Variants in FER observed in about 807,000 individuals in gnomAD.
The protein encoded by FER is tyrosine-protein kinase Fer.
In FER, 63 loss-of-function variants were observed where a neutral mutation model predicts 111.0. The ratio of observed to expected loss-of-function variants is 0.57; its 90% CI spans 0.46 to 0.70. The LOEUF (loss-of-function observed/expected upper bound fraction) is 0.70, where lower values mean the gene tolerates loss of function less well. FER is among the 30% of genes least tolerant of loss of function. FER has a pLI of 0.00. For missense variants in FER, 914 were observed against 954.0 expected (o/e 0.96, Z 0.55); for synonymous variants, 327 against 313.9 (o/e 1.04, Z -0.44).
chr5:108,794,524 G>GCCCCCCCCCCCCCCC (rs1415651696), intron 2 of FER, among the ~76,000 whole-genome samples: 3 of 53,704 alleles, frequency 5.6e-5, no homozygotes, highest in African/African-American at 7.9e-5. Flanking sequence ...TGCCCCCTCC[G>GCCCCCCCCCCCCCCC]CACCCCCCCC....
At chr5:108,908,384 G>A (rs1296321011) in intron 10 of FER, among the ~76,000 whole-genome samples, 1 of 152,146 alleles carries the variant, frequency 6.6e-6, no homozygotes, top group African/African-American at 2.4e-5. Flanking sequence ...TAGATTAATA[G>A]TTCTTTTTTC....
intron 13 of FER, among the ~76,000 whole-genome samples, chr5:108,995,188 A>G (rs1219622820): frequency 6.6e-6 from 1 of 152,118 alleles, no homozygotes; most frequent in Non-Finnish European, 1.5e-5. Context: ...TGTCTTGTAC[A>G]GTTTTAAGGG....
chr5:108,881,405 C>T (rs1313162372), intron 8 of FER, among the ~76,000 whole-genome samples: 4 of 152,116 alleles, frequency 2.6e-5, no homozygotes, highest in Non-Finnish European at 5.9e-5. Flanking sequence ...GAGACTTACT[C>T]ACTATTGTGA....
At chr5:108,891,249 T>G (rs901537371) in intron 9 of FER, among the ~76,000 whole-genome samples, 5 of 152,150 alleles carry the variant, frequency 3.3e-5, no homozygotes, top group African/African-American at 9.7e-5. Context: ...TTTGTTTTGT[T>G]TTTTAACTCT....
At chr5:109,115,220 G>C (rs1750081975) in intron 17 of FER, among the ~76,000 whole-genome samples, 1 of 152,084 alleles carries the variant, frequency 6.6e-6, no homozygotes. Context: ...TAAGACCAGA[G>C]AGACCTGTTA....
rs1394889171 is a variant in FER at position 108,938,042 on chromosome 5, A to T, written c.1237-8088A>T. ...ATCTCTCTCTCACACACACACACAC[A>T]CACACACACACACACACACACACAC... On this transcript the variant is annotated intron_variant, in intron 10 of 19. Transcript: ENST00000281092. Among the ~76,000 whole-genome samples the T allele has an allele frequency of 3.4e-5, 4 of 116,066 alleles. 1 individual carries two copies. The highest frequency in any genetic ancestry group is 1.2e-4 in the African/African-American group (4 of 32,708). 76.1% of individuals were successfully genotyped at this position (116,066 alleles called of 152,430 possible). A position where few individuals can be genotyped will look rare whatever the true frequency, so the allele number is the denominator to read the frequency against.
Position 108,798,400 on chromosome 5 carries a change from T to A in FER, c.207+11T>A, listed in dbSNP as rs781356787. The A allele has an allele frequency of 5.0e-6, 8 of 1,587,804 alleles. No individual in the cohort carries two copies. In the South Asian group the frequency reaches 7.8e-5, roughly 15 times the overall value. On this transcript the variant is annotated intron_variant, in intron 3 of 19. Transcript: ENST00000281092. ...AGCAACGTATCCAAGGTAAGAAGAA[T>A]AATTTCACTCTTTGTTATTTATAAC...
chr5:109,098,645 C>G lies in FER; in HGVS notation c.1925-1751C>G, dbSNP rs114236568. ...TCTATTTTAATAGGCATTTTAGTAC[C>G]TATTAAAGTTGATAAATTAGTGGAA... is the stretch of plus-strand genomic sequence containing the variant. On this transcript the variant is annotated intron_variant, in intron 16 of 19. Coordinates refer to ENST00000281092, the MANE Select transcript of FER (RefSeq NM_005246.4). Among the ~76,000 whole-genome samples, 720 of 151,568 alleles carry G rather than the reference C, an allele frequency of 4.8e-3. 6 individuals carry two copies. Among genetic ancestry groups the G allele is most frequent in the African/African-American group, 0.017 (687 of 41,452 alleles).
chr5:108,773,563 A>T (rs908771953), intron 2 of FER, among the ~76,000 whole-genome samples: 1 of 151,980 alleles, frequency 6.6e-6, no homozygotes, highest in Admixed American at 6.6e-5. Flanking sequence ...TCCATGGTAT[A>T]TATGTACACT....
intron 17 of FER, among the ~76,000 whole-genome samples, chr5:109,156,434 G>A (rs867402476): frequency 6.6e-5 from 10 of 152,088 alleles, no homozygotes; most frequent in Non-Finnish European, 1.0e-4. Flanking sequence ...TAAATTTTAG[G>A]TAGCTGTAGG....
At chr5:108,945,491 G>A (rs80332069) in intron 10 of FER, among the ~76,000 whole-genome samples, 2,290 of 152,004 alleles carry the variant, frequency 0.015, 30 homozygotes, top group Middle Eastern at 0.034. Context: ...ACATTGTGTG[G>A]CAAATAGCAA....
intron 1 of FER, among the ~76,000 whole-genome samples, chr5:108,757,675 C>T (rs2149920830): frequency 6.6e-6 from 1 of 152,312 alleles, no homozygotes; most frequent in African/African-American, 2.4e-5. Flanking sequence ...TCCTGTCCTC[C>T]ATCCCTTCTG....
At chr5:108,978,162 G>C (rs1016243849) in intron 13 of FER, among the ~76,000 whole-genome samples, 2 of 152,108 alleles carry the variant, frequency 1.3e-5, no homozygotes, top group African/African-American at 4.8e-5. Context: ...TGTTTCTCTT[G>C]TTTGCCTTTG....
chr5:108,992,584 A>G (rs1178879350), intron 13 of FER, among the ~76,000 whole-genome samples: 7 of 148,378 alleles, frequency 4.7e-5, no homozygotes, highest in African/African-American at 1.8e-4. Context: ...GTGGCTGGGC[A>G]GAGGCGCCCC....
chr5:109,148,712 T>C (rs2126677417), intron 17 of FER, among the ~76,000 whole-genome samples: 1 of 152,306 alleles, frequency 6.6e-6, no homozygotes, highest in South Asian at 2.1e-4. Flanking sequence ...TTGGATAATT[T>C]CCTTATGTAA....
chr5:108,872,185 A>G lies in FER; in HGVS notation c.896A>G (p.Asn299Ser), dbSNP rs147403485. ...CAGGCAAATGAGATCATGTGGAATA[A>G]CTTAACAGCAGAAAGTTTGCAAGTA... ...NLQANEIMWN[N>S]LTAESLQVML... Residue 299 changes from asparagine (N) to serine (S), a missense_variant, in exon 8 of 20, where the codon AAC becomes AGC. Physicochemically the swap from Asn to Ser is conservative, Grantham distance 46. Transcript: ENST00000281092. 6.2e-7 allele frequency: 1 copy of G among 1,610,132 alleles called. No individual in the cohort carries two copies. Among genetic ancestry groups the G allele is most frequent in the African/African-American group, 1.3e-5 (1 of 74,766 alleles).
At chr5:108,992,022 G>T (rs1020687299) in intron 13 of FER, among the ~76,000 whole-genome samples, 1 of 152,018 alleles carries the variant, frequency 6.6e-6, no homozygotes, top group Non-Finnish European at 1.5e-5. Flanking sequence ...AGGACCCTGC[G>T]GCCTTCCGCA....
At chr5:108,771,067 C>T (rs758419436) in intron 2 of FER, among the ~76,000 whole-genome samples, 12 of 151,968 alleles carry the variant, frequency 7.9e-5, no homozygotes, top group Middle Eastern at 3.4e-3. Flanking sequence ...TCCCGAGTAG[C>T]TGGGATTACA....
chr5:109,141,057 A>T (rs937574345), intron 17 of FER, among the ~76,000 whole-genome samples: 1 of 152,136 alleles, frequency 6.6e-6, no homozygotes, highest in Non-Finnish European at 1.5e-5. Context: ...GTCTTTATTC[A>T]AGTATAAGAC....
Sources: allele counts gnomAD v4.1 joint callset (sites outside exome capture counted in the v4.1 genomes callset), GRCh38; gene constraint gnomAD v4.1.1; transcripts MANE v1.5; gene names NCBI Gene and HGNC (gene_info 2026-07-23, HGNC 2026-07-21).